The following GPAT3 variants were observed in gnomAD, a reference collection of about 807,000 sequenced individuals.
GPAT3 encodes glycerol-3-phosphate acyltransferase 3.
GPAT3 carries 53 observed loss-of-function variants against 58.8 expected under a neutral mutation model. The ratio of observed to expected loss-of-function variants is 0.90; its 90% CI spans 0.72 to 1.13. The LOEUF (loss-of-function observed/expected upper bound fraction) is 1.13. Ranked by LOEUF, GPAT3 falls within the 50% of genes most tolerant of loss-of-function variation. The pLI is 0.00. For missense variants in GPAT3, 511 were observed against 527.6 expected (o/e 0.97, Z 0.31); for synonymous variants, 197 against 187.4 (o/e 1.05, Z -0.42).
intron 11 of GPAT3, among the ~76,000 whole-genome samples, chr4:83,603,714 C>T (rs1247994067): frequency 3.4e-5 from 5 of 147,346 alleles, no homozygotes; most frequent in Non-Finnish European, 5.9e-5. Context: ...CACTTGAACT[C>T]GGGAAGTGGA....
rs1387169475 is a variant in GPAT3 at position 83,536,325 on chromosome 4, G to T, written c.-298G>T. Reference sequence around the variant, plus strand: ...CGCCGCGGTGTGCCTCCGCTTACCCGCAGCTCCGACCACTGGCTCGCGCTA... The same window carrying T: ...CGCCGCGGTGTGCCTCCGCTTACCCTCAGCTCCGACCACTGGCTCGCGCTA... On this transcript the variant is annotated 5_prime_UTR_variant, in exon 1 of 12. Coordinates refer to ENST00000264409, the MANE Select transcript of GPAT3 (RefSeq NM_032717.5). 1.8e-6 allele frequency: 2 copies of T among 1,122,412 alleles called. No homozygotes were observed. The highest frequency in any genetic ancestry group is 2.2e-6 in the Non-Finnish European group (2 of 917,466). 69.5% of individuals were successfully genotyped at this position (1,122,412 alleles called of 1,614,324 possible).
chr4:83,585,858 A>G (rs1458000624), intron 3 of GPAT3, among the ~76,000 whole-genome samples: 1 of 152,172 alleles, frequency 6.6e-6, no homozygotes, highest in Admixed American at 6.6e-5. Flanking sequence ...AACTGCTGGG[A>G]TTGTAGCCGT....
chr4:83,558,493 C>T (rs1725017756), intron 2 of GPAT3, among the ~76,000 whole-genome samples: 2 of 152,146 alleles, frequency 1.3e-5, no homozygotes, highest in Non-Finnish European at 2.9e-5. Context: ...CTGGTTTCTG[C>T]CTGCAATATG....
intron 3 of GPAT3, among the ~76,000 whole-genome samples, chr4:83,583,720 A>G (rs1412926664): frequency 1.5e-5 from 2 of 131,654 alleles, no homozygotes; most frequent in Admixed American, 8.0e-5. Context: ...GGGCATAGTG[A>G]CTCTTGCCTG....
chr4:83,545,693 G>C (rs910986012), intron 2 of GPAT3, among the ~76,000 whole-genome samples: 1 of 151,916 alleles, frequency 6.6e-6, no homozygotes, highest in Non-Finnish European at 1.5e-5. Flanking sequence ...TACCAAGTCC[G>C]GATATTTCTG....
In GPAT3 at chr4:83,579,857, C is replaced by T. The variant is rs17353074; in HGVS notation, c.209-1705C>T. 6.1e-3 allele frequency among the ~76,000 whole-genome samples: 924 copies of T among 152,296 alleles called. 5 individuals are homozygous for T. The highest frequency in any genetic ancestry group is 0.024 in the Middle Eastern group (7 of 294). ...TTCCGAAAACTGAACTATTACAGCT[C>T]TTTCTACTAATACACGTATAACTCT... On this transcript the variant is annotated intron_variant, in intron 2 of 11. Transcript: ENST00000264409.
At chr4:83,553,613 T>C (rs1257202801) in intron 2 of GPAT3, among the ~76,000 whole-genome samples, 2 of 151,808 alleles carry the variant, frequency 1.3e-5, no homozygotes, top group Non-Finnish European at 2.9e-5. Context: ...CAAAGATTAT[T>C]TGAGGCCGGG....
intron 2 of GPAT3, among the ~76,000 whole-genome samples, chr4:83,562,220 T>TATA (rs1436511029): frequency 1.4e-5 from 1 of 73,838 alleles, no homozygotes; most frequent in Non-Finnish European, 2.5e-5. Context: ...ATTATATATA[T>TATA]ATATAATATA....
intron 2 of GPAT3, among the ~76,000 whole-genome samples, chr4:83,554,430 C>T (rs1166223864): frequency 6.6e-6 from 1 of 152,118 alleles, no homozygotes; most frequent in Non-Finnish European, 1.5e-5. Context: ...CTTTATCCCC[C>T]AGAGAAAAAT....
rs116018930 is a variant in GPAT3, at chr4:83,558,874, C to T, written c.208+14272C>T. Among the ~76,000 whole-genome samples, 1,284 of 152,142 alleles carry T rather than the reference C, an allele frequency of 8.4e-3. 9 individuals are homozygous for T. Among genetic ancestry groups the T allele is most frequent in the Non-Finnish European group, 0.015 (1,010 of 68,014 alleles). ...ATCTGTTAAGTGAGATCTGTGAAGGCTGATTACTGAATTTAGAGAAAAACC... is the reference window on the plus strand; with the variant it reads ...ATCTGTTAAGTGAGATCTGTGAAGGTTGATTACTGAATTTAGAGAAAAACC... On this transcript the variant is annotated intron_variant, in intron 2 of 11. Transcript: ENST00000264409.
chr4:83,579,070 CT>C (rs1560621306), intron 2 of GPAT3, among the ~76,000 whole-genome samples: 59 of 35,646 alleles, frequency 1.7e-3, no homozygotes, highest in Non-Finnish European at 2.3e-3. Flanking sequence ...TTCTTTCTTT[CT>C]TTCTTTCTTC....
intron 2 of GPAT3, among the ~76,000 whole-genome samples, chr4:83,578,894 CCTCT>C (rs1417882997): frequency 1.4e-5 from 2 of 141,560 alleles, no homozygotes; most frequent in Non-Finnish European, 3.1e-5. Context: ...TCCCTCCCTC[CCTCT>C]TTCTTTTCTT....
At chr4:83,597,700 G>A (rs1446147226) in intron 9 of GPAT3, among the ~76,000 whole-genome samples, 185 bp downstream of exon 9, 1 of 152,168 alleles carries the variant, frequency 6.6e-6, no homozygotes, top group East Asian at 1.9e-4. Context: ...GTAGATAGAT[G>A]TATACTGGGT....
intron 6 of GPAT3, among the ~76,000 whole-genome samples, chr4:83,593,812 T>C (rs1467052665): frequency 6.6e-6 from 1 of 152,228 alleles, no homozygotes; most frequent in Admixed American, 6.5e-5. Context: ...TTTACTCATT[T>C]AAAATCCAAT....
intron 2 of GPAT3, among the ~76,000 whole-genome samples, chr4:83,552,029 T>C (rs1724775403): frequency 6.6e-6 from 1 of 152,130 alleles, no homozygotes; most frequent in African/African-American, 2.4e-5. Flanking sequence ...AGGTACCTTC[T>C]TGGGATGTGA....
intron 2 of GPAT3, among the ~76,000 whole-genome samples, chr4:83,548,230 A>G (rs1208110332): frequency 1.3e-5 from 2 of 152,184 alleles, no homozygotes; most frequent in Non-Finnish European, 2.9e-5. Flanking sequence ...TGGTTGCTCC[A>G]GCCATAGGAC....
intron 11 of GPAT3, among the ~76,000 whole-genome samples, chr4:83,601,667 A>G (rs1727057891): frequency 6.6e-6 from 1 of 152,246 alleles, no homozygotes; most frequent in Non-Finnish European, 1.5e-5. Context: ...AGGCCTGAGA[A>G]TCCTTGAACC....
In GPAT3 at chr4:83,605,593, A is replaced by T. The variant is rs1727223937; in HGVS notation, c.*826A>T. On this transcript the variant is annotated 3_prime_UTR_variant, in exon 12 of 12. Coordinates refer to ENST00000264409, the MANE Select transcript of GPAT3 (RefSeq NM_032717.5). Reference sequence around the variant, plus strand: ...AGTAACTTCAGTATGAATGAATGAGAGTGTGTGGAGCTACCCCTCACCCTC... The same window carrying T: ...AGTAACTTCAGTATGAATGAATGAGTGTGTGTGGAGCTACCCCTCACCCTC... 6.6e-6 allele frequency: 1 copy of T among 152,298 alleles called. No homozygotes were observed. The highest frequency in any genetic ancestry group is 2.4e-5 in the African/African-American group (1 of 41,344). The allele number at this position is 152,298 out of a possible 1,614,324, so 9.4% of individuals were successfully genotyped here. A position where few individuals can be genotyped will look rare whatever the true frequency, so the allele number is the denominator to read the frequency against.
chr4:83,563,888 A>G (rs1453173866), intron 2 of GPAT3, among the ~76,000 whole-genome samples: 1 of 152,174 alleles, frequency 6.6e-6, no homozygotes, highest in African/African-American at 2.4e-5. Context: ...ACCTTTCTCT[A>G]TTATTACTTA....
Sources: gnomAD v4.1 joint callset for allele counts (sites outside exome capture counted in the v4.1 genomes callset) on GRCh38, gnomAD v4.1.1 for gene constraint, MANE v1.5 for transcripts, NCBI Gene and HGNC (gene_info 2026-07-23, HGNC 2026-07-21) for gene names.